The following SH3KBP1 variants were observed in gnomAD, a reference collection of about 807,000 sequenced individuals.
SH3KBP1 encodes SH3 domain-containing kinase-binding protein 1.
In SH3KBP1, 8 loss-of-function variants were observed where a neutral mutation model predicts 50.1. The ratio of observed to expected loss-of-function variants is 0.16; its 90% CI spans 0.09 to 0.29. The LOEUF is 0.29. Ranked by LOEUF, SH3KBP1 falls within the 10% of genes least tolerant of loss-of-function variation. The probability of loss-of-function intolerance (pLI) is 1.00; values close to 1 mark genes in which losing one functional copy is unlikely to be tolerated. For missense variants in SH3KBP1, 377 were observed against 535.2 expected, an observed-to-expected ratio of 0.70 and a Z score of 2.92; for synonymous variants, 227 against 218.6, an observed-to-expected ratio of 1.04 and a Z score of -0.34.
At chrX:19,878,505 T>TGTGTGA (rs1491094714) in intron 1 of SH3KBP1, among the ~76,000 whole-genome samples, 3 of 48,253 alleles carry the variant, frequency 6.2e-5, no homozygotes, top group African/African-American at 1.8e-4. Context: ...TGTGTGTGTG[T>TGTGTGA]GAGAGAGAGA....
intron 2 of SH3KBP1, among the ~76,000 whole-genome samples, chrX:19,760,041 CCTCTCTCTCTCTCTCTCT>C (rs745515349): frequency 3.6e-4 from 18 of 50,458 alleles, no homozygotes; most frequent in Admixed American, 4.7e-4. Flanking sequence ...TCTCTCTCTC[CCTCTCTCTCTCTCTCTCT>C]CTCTCTCTCT....
chrX:19,710,889 G>A (rs1026061975), intron 3 of SH3KBP1, among the ~76,000 whole-genome samples: 6 of 110,725 alleles, frequency 5.4e-5, no homozygotes, highest in South Asian at 7.7e-4. Flanking sequence ...TAGACCCCAC[G>A]GCCCCCTTCC....
intron 6 of SH3KBP1, among the ~76,000 whole-genome samples, chrX:19,683,079 A>T (rs1009597962): frequency 1.8e-5 from 2 of 111,431 alleles, no homozygotes; most frequent in East Asian, 5.6e-4. Flanking sequence ...GCTTATTATA[A>T]TTTGGAAAAT....
chrX:19,701,394 A>AT (rs1179214053), intron 4 of SH3KBP1, among the ~76,000 whole-genome samples: 1 of 111,475 alleles, frequency 9.0e-6, no homozygotes, highest in East Asian at 2.8e-4. Context: ...GGCCAGCACT[A>AT]TAACTTTGAT....
At chrX:19,836,773 T>C (rs1476673646) in intron 1 of SH3KBP1, among the ~76,000 whole-genome samples, 2 of 111,907 alleles carry the variant, frequency 1.8e-5, no homozygotes, top group Non-Finnish European at 3.8e-5. Flanking sequence ...TCACCTTGAA[T>C]TGTAGTTCCC....
rs769487115 is a variant in SH3KBP1, at chrX:19,706,970, G to A, written c.301C>T (p.Arg101Cys). ...TAGCTGAATGCCACCTGGCACCGGC[G>A]CCTCCGTCGCTCGCCTGGATGGGAA... is the stretch of plus-strand genomic sequence containing the variant. ...RTNKRGERRR[R>C]RCQVAFSYLP... Residue 101 changes from arginine (R) to cysteine (C), a missense_variant, in exon 4 of 18, where the codon CGC (arginine) becomes TGC (cysteine). Physicochemically the swap from Arg to Cys is radical, Grantham distance 180 (BLOSUM62 -3). Transcript: ENST00000397821. 2.5e-6 allele frequency: 3 copies of A among 1,209,533 alleles called. No homozygotes were observed. The highest frequency in any genetic ancestry group is 1.8e-5 in the South Asian group (1 of 56,947).
intron 2 of SH3KBP1, among the ~76,000 whole-genome samples, chrX:19,814,002 G>A (rs1184666270): frequency 5.4e-5 from 6 of 111,368 alleles, no homozygotes; most frequent in Non-Finnish European, 1.1e-4. Context: ...AGTGCCAGAG[G>A]TGGTTCTGTG....
chrX:19,880,967 C>T (rs772943999), intron 1 of SH3KBP1, among the ~76,000 whole-genome samples: 8 of 111,715 alleles, frequency 7.2e-5, no homozygotes, highest in South Asian at 3.7e-4. Flanking sequence ...ACCTTGATAT[C>T]GACCCGGTAA....
At chrX:19,748,742 T>G (rs2064990448) in intron 2 of SH3KBP1, among the ~76,000 whole-genome samples, 1 of 110,810 alleles carries the variant, frequency 9.0e-6, no homozygotes, top group Admixed American at 9.6e-5. Context: ...CCAAGCTCAA[T>G]GCAGCCCCAC....
intron 4 of SH3KBP1, 48 bp downstream of exon 4, chrX:19,706,833 T>C (rs774277435): frequency 2.0e-6 from 2 of 1,005,214 alleles, no homozygotes; most frequent in South Asian, 1.9e-5. Flanking sequence ...AAGCAGTGAC[T>C]ATGACAGCCC....
At chrX:19,821,088 T>C (rs2067510827) in intron 2 of SH3KBP1, among the ~76,000 whole-genome samples, 1 of 111,810 alleles carries the variant, frequency 8.9e-6, no homozygotes, top group Admixed American at 9.5e-5. Flanking sequence ...ATCAAACATG[T>C]TTTTAAAAAT....
intron 1 of SH3KBP1, among the ~76,000 whole-genome samples, chrX:19,869,511 C>T (rs1427676486): frequency 1.8e-5 from 2 of 112,371 alleles, no homozygotes; most frequent in African/African-American, 6.5e-5. Flanking sequence ...CCAGCTCCGA[C>T]CATGTCCACA....
intron 3 of SH3KBP1, among the ~76,000 whole-genome samples, chrX:19,732,544 T>C (rs1294314605): frequency 3.7e-5 from 4 of 108,496 alleles, no homozygotes; most frequent in African/African-American, 1.3e-4. Flanking sequence ...AAAGCTGTGT[T>C]GTTCAAGGGT....
intron 7 of SH3KBP1, among the ~76,000 whole-genome samples, chrX:19,641,312 T>C (rs745953003): frequency 8.9e-6 from 1 of 112,109 alleles, no homozygotes; most frequent in Non-Finnish European, 1.9e-5. Flanking sequence ...ATGTATTTTG[T>C]TTTGATTTTT....
chrX:19,831,092 G>T (rs2067861674), intron 2 of SH3KBP1, among the ~76,000 whole-genome samples: 1 of 112,106 alleles, frequency 8.9e-6, no homozygotes, highest in Non-Finnish European at 1.9e-5. Context: ...CGCTCAAATG[G>T]GATACTGAAT....
intron 6 of SH3KBP1, among the ~76,000 whole-genome samples, chrX:19,653,585 C>T (rs918473736): frequency 9.1e-6 from 1 of 109,893 alleles, no homozygotes. Flanking sequence ...GTGTTGTGCA[C>T]CTGTAATCCG....
At chrX:19,749,280 C>T (rs2148826267) in intron 2 of SH3KBP1, among the ~76,000 whole-genome samples, 1 of 112,478 alleles carries the variant, frequency 8.9e-6, no homozygotes, top group Non-Finnish European at 1.9e-5. Flanking sequence ...AGCAATTCCA[C>T]TTCTAGGTAT....
At chrX:19,786,782 C>T (rs770257392) in intron 2 of SH3KBP1, among the ~76,000 whole-genome samples, 23 of 111,862 alleles carry the variant, frequency 2.1e-4, no homozygotes, top group Non-Finnish European at 4.1e-4. Context: ...GCATATCATA[C>T]CCACTGTCCT....
chrX:19,849,523 C>A (rs1402947218), intron 1 of SH3KBP1, among the ~76,000 whole-genome samples: 1 of 108,877 alleles, frequency 9.2e-6, no homozygotes, highest in African/African-American at 3.4e-5. Flanking sequence ...ACCCCGTCTC[C>A]GCAAAAAATA....
Sources: gnomAD v4.1 joint callset for allele counts (sites outside exome capture counted in the v4.1 genomes callset) on GRCh38, gnomAD v4.1.1 for gene constraint, MANE v1.5 for transcripts, NCBI Gene and HGNC (gene_info 2026-07-23, HGNC 2026-07-21) for gene names.